REPS1: variants seen among roughly 807,000 people sequenced by gnomAD.
REPS1 encodes RALBP1 associated Eps domain containing 1.
In REPS1, 39 loss-of-function variants were observed where a neutral mutation model predicts 100.9. The observed-to-expected ratio is 0.39, with a 90% CI of 0.30 to 0.50. The LOEUF (loss-of-function observed/expected upper bound fraction) is 0.50. Among genes scored for constraint, REPS1 ranks in the 20% least tolerant of loss-of-function variants. The probability of loss-of-function intolerance (pLI) is 0.86; values close to 1 mark genes in which losing one functional copy is unlikely to be tolerated. For missense variants in REPS1, 821 were observed against 968.5 expected, an observed-to-expected ratio of 0.85 and a Z score of 2.02; for synonymous variants, 324 against 340.3, an observed-to-expected ratio of 0.95 and a Z score of 0.53.
At chr6:138,932,086 C>G (rs780765985) in intron 8 of REPS1, among the ~76,000 whole-genome samples, 1 of 152,154 alleles carries the variant, frequency 6.6e-6, no homozygotes, top group Non-Finnish European at 1.5e-5. Flanking sequence ...CTTCTACTGA[C>G]AAATTTAGGG....
Position 138,943,887 on chromosome 6 carries a change from T to G in REPS1, c.882A>C (p.Lys294Asn), listed in dbSNP as rs1255897306. 6.2e-7 allele frequency: 1 copy of G among 1,613,700 alleles called. No individual in the cohort carries two copies. Among genetic ancestry groups the G allele is most frequent in the Admixed American group, 1.7e-5 (1 of 60,018 alleles). The change falls in exon 6 of 20, where the codon AAA becomes AAC. Residue 294 changes from lysine to asparagine, a missense_variant. Physicochemically the swap from Lys to Asn is moderately conservative, Grantham distance 94. Coordinates refer to ENST00000450536, the MANE Select transcript of REPS1 (RefSeq NM_001286611.2). ...ATCCGTTTAGATCAGGCTGAATGGTTTTAAACTGATTTACATAATACTGTC... is the reference window on the plus strand; with the variant it reads ...ATCCGTTTAGATCAGGCTGAATGGTGTTAAACTGATTTACATAATACTGTC... ...EQRQYYVNQF[K>N]TIQPDLNGFI...
At chr6:138,956,427 T>G (rs905818215) in intron 1 of REPS1, among the ~76,000 whole-genome samples, 2 of 151,896 alleles carry the variant, frequency 1.3e-5, no homozygotes, top group Non-Finnish European at 2.9e-5. Flanking sequence ...CCATCTCCAC[T>G]GCTGCTCACA....
chr6:138,915,201 A>G (rs575381918), intron 14 of REPS1: 3 of 162,828 alleles, frequency 1.8e-5, no homozygotes, highest in South Asian at 1.8e-4. Context: ...GGTAACAACA[A>G]TACTGCCAGT....
chr6:138,947,039 T>G (rs1170676475), intron 2 of REPS1, among the ~76,000 whole-genome samples: 2 of 22,414 alleles, frequency 8.9e-5, no homozygotes, highest in Admixed American at 5.5e-4. Context: ...CCCCTTGCTC[T>G]CTCTCTCTCT....
intron 12 of REPS1, among the ~76,000 whole-genome samples, chr6:138,918,627 T>C (rs1224283310): frequency 1.3e-5 from 2 of 152,184 alleles, no homozygotes; most frequent in African/African-American, 2.4e-5. Context: ...AAAGGTCGCT[T>C]TTAAAGAACA....
intron 1 of REPS1, among the ~76,000 whole-genome samples, chr6:138,972,142 G>A (rs929745213): frequency 6.6e-6 from 1 of 152,142 alleles, no homozygotes; most frequent in Admixed American, 6.5e-5. Context: ...AGGATAGGCA[G>A]GAGGGAAACT....
chr6:138,944,445 A>G, intron 5 of REPS1, 53 bp downstream of exon 5: 1 of 1,575,408 alleles, frequency 6.3e-7, no homozygotes, highest in Non-Finnish European at 8.7e-7. Flanking sequence ...CAACGACTGG[A>G]GCAATACTCT....
At chr6:138,935,377 G>A (rs941915912) in intron 8 of REPS1, among the ~76,000 whole-genome samples, 1 of 152,020 alleles carries the variant, frequency 6.6e-6, no homozygotes, top group Non-Finnish European at 1.5e-5. Context: ...ATAGTTCAAA[G>A]AATATTACCT....
At chr6:138,930,320 CTAGT>C (rs1781411156) in intron 8 of REPS1, among the ~76,000 whole-genome samples, 1 of 152,020 alleles carries the variant, frequency 6.6e-6, no homozygotes, top group South Asian at 2.1e-4. Context: ...AAAATAAAAT[CTAGT>C]TAGGAATAAA....
intron 19 of REPS1, 197 bp downstream of exon 19, chr6:138,907,297 TA>T (rs1554282171): frequency 9.7e-3 from 1,653 of 170,070 alleles, no homozygotes; most frequent in Middle Eastern, 0.027. Flanking sequence ...CGTGTCTCTT[TA>T]AAAAAAAAAA....
At chr6:138,944,949 T>A (rs1365218544) in intron 4 of REPS1, among the ~76,000 whole-genome samples, 1 of 152,202 alleles carries the variant, frequency 6.6e-6, no homozygotes, top group East Asian at 1.9e-4. Flanking sequence ...CACTTACAAA[T>A]TTCCATAGTT....
chr6:138,961,327 C>T, intron 1 of REPS1, among the ~76,000 whole-genome samples: 1 of 152,164 alleles, frequency 6.6e-6, no homozygotes, highest in Admixed American at 6.5e-5. Context: ...AGCTCCACCT[C>T]CCGGGTTCAC....
chr6:138,983,651 G>A (rs1785082465), intron 1 of REPS1, among the ~76,000 whole-genome samples: 2 of 152,068 alleles, frequency 1.3e-5, no homozygotes, highest in African/African-American at 2.4e-5. Context: ...GCCCCCAGAT[G>A]ACTCAGTCTC....
Position 138,941,433 on chromosome 6 carries a change from G to C in REPS1, c.1037C>G (p.Ala346Gly), listed in dbSNP as rs759075401. 2 of 1,613,880 alleles carry C rather than the reference G, an allele frequency of 1.2e-6. No homozygotes were observed. The highest frequency in any genetic ancestry group is 1.3e-5 in the African/African-American group (1 of 74,900). ...CTTCCTAGCAACCACCAGATGAAAA[G>C]CAGCACAAAACTCATCCAGTGTCAA... ...GALTLDEFCA[A>G]FHLVVARKNG... The change falls in exon 8 of 20, where the codon GCT (alanine) becomes GGT (glycine). Residue 346 changes from alanine to glycine, a missense_variant. Physicochemically the swap from Ala to Gly is moderately conservative, Grantham distance 60. This residue lies in a region of REPS1 where 757 missense variants were observed against 866.4 expected (regional missense o/e 0.87). Coordinates refer to ENST00000450536, the MANE Select transcript of REPS1 (RefSeq NM_001286611.2).
chr6:138,912,624 G>C, intron 16 of REPS1, 141 bp downstream of exon 16: 1 of 781,248 alleles, frequency 1.3e-6, no homozygotes, highest in Non-Finnish European at 2.2e-6. Context: ...GCAGATATTG[G>C]AGGCCAATAA....
chr6:138,979,521 C>CT (rs746253589), intron 1 of REPS1, among the ~76,000 whole-genome samples: 108 of 152,292 alleles, frequency 7.1e-4, no homozygotes, highest in Non-Finnish European at 1.0e-3. Flanking sequence ...TCCATCTACA[C>CT]TAGTCCATGA....
intron 14 of REPS1, chr6:138,914,975 A>C (rs1378990919): frequency 1.9e-6 from 1 of 529,238 alleles, no homozygotes; most frequent in Non-Finnish European, 3.3e-6. Flanking sequence ...TCTTACCTCT[A>C]TTACATGAAG....
intron 12 of REPS1, 163 bp from the exon 13 acceptor site, chr6:138,917,790 A>G: frequency 3.5e-6 from 2 of 574,744 alleles, no homozygotes. Flanking sequence ...TAAAAAATTA[A>G]CTACAAATAA....
At chr6:138,969,865 T>TTTTTTTG in intron 1 of REPS1, among the ~76,000 whole-genome samples, 1 of 142,574 alleles carries the variant, frequency 7.0e-6, no homozygotes, top group Non-Finnish European at 1.5e-5. Flanking sequence ...TGGGATTTTT[T>TTTTTTTG]TTTTTTTTTT....
Sources: gnomAD v4.1 joint callset for allele counts (sites outside exome capture counted in the v4.1 genomes callset) on GRCh38, gnomAD v4.1.1 for gene constraint, gnomAD v4.1.1 regional missense constraint, MANE v1.5 for transcripts, NCBI Gene and HGNC (gene_info 2026-07-23, HGNC 2026-07-21) for gene names.